Variants in RPSA2 observed in about 807,000 individuals in gnomAD.
RPSA2 encodes the protein small ribosomal subunit protein uS2B.
chr19:23,791,941 C>G, the RPSA2 span, among the ~76,000 whole-genome samples: 5 of 152,024 alleles, frequency 3.3e-5, no homozygotes, highest in South Asian at 8.3e-4. Context: ...AGGCTGGTCT[C>G]GAGCTCCTGG....
At chr19:23,853,741 A>G in the RPSA2 span, among the ~76,000 whole-genome samples, 4 of 152,078 alleles carry the variant, frequency 2.6e-5, no homozygotes, top group African/African-American at 9.7e-5. Flanking sequence ...GCAAATCTCT[A>G]CCCCAAAGAT....
chr19:23,765,567 A>G, the RPSA2 span, among the ~76,000 whole-genome samples: 1 of 152,326 alleles, frequency 6.6e-6, no homozygotes, highest in East Asian at 1.9e-4. Flanking sequence ...TGTTCTCATT[A>G]TAAGTGGGAG....
the RPSA2 span, among the ~76,000 whole-genome samples, chr19:23,869,196 C>T: frequency 6.6e-6 from 1 of 152,178 alleles, no homozygotes; most frequent in South Asian, 2.1e-4. Context: ...GTCTGGCTCC[C>T]CCGGACATAG....
At chr19:23,852,377 T>A in the RPSA2 span, among the ~76,000 whole-genome samples, 3 of 152,026 alleles carry the variant, frequency 2.0e-5, no homozygotes, top group East Asian at 5.8e-4. Flanking sequence ...AATATAGAGC[T>A]GTGAAGTGGG....
chr19:23,825,649 C>T, the RPSA2 span, among the ~76,000 whole-genome samples: 33 of 152,078 alleles, frequency 2.2e-4, no homozygotes, highest in East Asian at 4.3e-3. Context: ...TGTAATGGCG[C>T]GATCTCAGCT....
the RPSA2 span, chr19:23,832,215 ACT>A: frequency 9.2e-6 from 4 of 432,712 alleles, no homozygotes; most frequent in Admixed American, 5.8e-5. Flanking sequence ...GAAGAAAGAA[ACT>A]CTACAAATGT....
chr19:23,771,821 C>CCA, the RPSA2 span, among the ~76,000 whole-genome samples: 1 of 152,062 alleles, frequency 6.6e-6, no homozygotes, highest in Non-Finnish European at 1.5e-5. Flanking sequence ...GTGTTATTGA[C>CCA]ATGTGGCTGG....
At chr19:23,778,472 C>A in the RPSA2 span, among the ~76,000 whole-genome samples, 2 of 152,268 alleles carry the variant, frequency 1.3e-5, no homozygotes, top group South Asian at 4.2e-4. Flanking sequence ...CTTCGGCCCC[C>A]CAGAGTACTG....
the RPSA2 span, among the ~76,000 whole-genome samples, chr19:23,860,828 C>T: frequency 6.6e-6 from 1 of 152,204 alleles, no homozygotes; most frequent in Non-Finnish European, 1.5e-5. Flanking sequence ...CAAAATAGTC[C>T]TTATCCACAA....
chr19:23,863,458 G>T, the RPSA2 span, among the ~76,000 whole-genome samples: 1 of 151,886 alleles, frequency 6.6e-6, no homozygotes. Flanking sequence ...CAGCTAGTGG[G>T]GAGGCTGAGG....
At chr19:23,765,418 A>T in the RPSA2 span, among the ~76,000 whole-genome samples, 2 of 151,754 alleles carry the variant, frequency 1.3e-5, no homozygotes, top group Non-Finnish European at 2.9e-5. Flanking sequence ...GACTGGATAA[A>T]GAAAATGTAC....
At chr19:23,761,931 T>TCTTTCTTTCTTTCTCTCTCTCTC in the RPSA2 span, among the ~76,000 whole-genome samples, 1 of 61,694 alleles carries the variant, frequency 1.6e-5, no homozygotes, top group African/African-American at 7.5e-5. Flanking sequence ...TTTTTTTTTT[T>TCTTTCTTTCTTTCTCTCTCTCTC]TTTTGAGATG....
the RPSA2 span, among the ~76,000 whole-genome samples, chr19:23,823,026 G>T: frequency 6.6e-6 from 1 of 152,094 alleles, no homozygotes; most frequent in Non-Finnish European, 1.5e-5. Context: ...TGGTCTAGGT[G>T]CCCTGACTGT....
chr19:23,766,451 A>ATT, the RPSA2 span, among the ~76,000 whole-genome samples: 60 of 102,710 alleles, frequency 5.8e-4, no homozygotes, highest in African/African-American at 2.1e-3. Flanking sequence ...TCTCAAGCTA[A>ATT]TTTTTTTTTT....
the RPSA2 span, among the ~76,000 whole-genome samples, chr19:23,791,338 T>C: frequency 3.9e-5 from 6 of 152,168 alleles, no homozygotes; most frequent in African/African-American, 1.4e-4. Context: ...GGAAATATCT[T>C]GGTTATGTAA....
At chr19:23,828,127 A>AAAG in the RPSA2 span, 265 of 545,608 alleles carry the variant, frequency 4.9e-4, 2 homozygotes, top group Middle Eastern at 4.6e-3. Flanking sequence ...AAAAAAAAAA[A>AAAG]AAAAAAAATG....
the RPSA2 span, among the ~76,000 whole-genome samples, chr19:23,847,000 G>C: frequency 6.6e-6 from 1 of 151,900 alleles, no homozygotes; most frequent in African/African-American, 2.4e-5. Flanking sequence ...GATAATTTTT[G>C]TTTAGTCACT....
chr19:23,805,490 T>C, the RPSA2 span, among the ~76,000 whole-genome samples: 2 of 152,236 alleles, frequency 1.3e-5, no homozygotes, highest in Non-Finnish European at 2.9e-5. Flanking sequence ...TCCTAAATCA[T>C]TTCTGTTATA....
the RPSA2 span, chr19:23,818,490 C>T: frequency 6.6e-6 from 1 of 152,620 alleles, no homozygotes; most frequent in Non-Finnish European, 1.5e-5. Context: ...TCTACATACT[C>T]CTCCCTCTTG....
Sources: allele counts gnomAD v4.1 joint callset (sites outside exome capture counted in the v4.1 genomes callset), GRCh38; gene constraint gnomAD v4.1.1; transcripts MANE v1.5; gene names NCBI Gene and HGNC (gene_info 2026-07-23, HGNC 2026-07-21).